The following PGPEP1L variants were observed in gnomAD, a reference collection of about 807,000 sequenced individuals.
PGPEP1L encodes the protein pyroglutamyl-peptidase I like, also known as pyroglutamyl-peptidase 1-like protein.
PGPEP1L carries 7 observed loss-of-function variants against 6.0 expected under a neutral mutation model. That is an observed-to-expected ratio of 1.17 (90% CI 0.66 to 2.19). The LOEUF (loss-of-function observed/expected upper bound fraction) is 2.19, where lower values mean the gene tolerates loss of function less well. PGPEP1L is among the 30% of genes most tolerant of loss of function. PGPEP1L has a pLI of 0.00. For missense variants in PGPEP1L, 209 were observed against 192.5 expected (o/e 1.09, Z -0.51); for synonymous variants, 103 against 83.9 (o/e 1.23, Z -1.24).
chr15:98,998,396 A>C (rs1157946137), intron 2 of PGPEP1L, among the ~76,000 whole-genome samples: 1 of 152,240 alleles, frequency 6.6e-6, no homozygotes, highest in African/African-American at 2.4e-5. Context: ...GAGCAAAGAA[A>C]GAACATGGAG....
In PGPEP1L at chr15:98,971,118, T is replaced by C; in HGVS notation, c.-101A>G. 1 of 1,584,516 alleles carries C rather than the reference T, an allele frequency of 6.3e-7. No homozygotes were observed. The highest frequency in any genetic ancestry group is 1.1e-5 in the South Asian group (1 of 90,696). ...TACAGGCAGCTCCAGAGTCCGCAGC[T>C]GCACCACTGTTTCATTCCCCAGGCC... On this transcript the variant is annotated 5_prime_UTR_variant, in exon 3 of 5. Transcript: ENST00000535714.
intron 2 of PGPEP1L, among the ~76,000 whole-genome samples, chr15:98,973,214 C>T (rs2017524262): frequency 6.6e-6 from 1 of 152,070 alleles, no homozygotes; most frequent in African/African-American, 2.4e-5. Context: ...ATATATAAAA[C>T]AAATATTAAT....
chr15:99,001,985 G>C (rs782176099), intron 2 of PGPEP1L, among the ~76,000 whole-genome samples: 1 of 152,092 alleles, frequency 6.6e-6, no homozygotes, highest in African/African-American at 2.4e-5. Context: ...TCAAAGTGCT[G>C]GGATTATAGG....
intron 2 of PGPEP1L, among the ~76,000 whole-genome samples, chr15:98,987,883 T>A (rs1051876365): frequency 3.9e-5 from 6 of 151,964 alleles, no homozygotes; most frequent in Admixed American, 2.0e-4. Flanking sequence ...GCACAAGGGG[T>A]CAAGGGATTC....
intron 2 of PGPEP1L, among the ~76,000 whole-genome samples, chr15:99,001,904 G>A (rs3969623): frequency 0.067 from 10,271 of 152,190 alleles, 475 homozygotes; most frequent in South Asian, 0.11. Context: ...TTTTAGTAGA[G>A]ATGGGGTTTC....
At chr15:98,983,000 C>T (rs954796412) in intron 2 of PGPEP1L, among the ~76,000 whole-genome samples, 2 of 151,916 alleles carry the variant, frequency 1.3e-5, no homozygotes, top group Non-Finnish European at 2.9e-5. Context: ...CGTGAGCCAC[C>T]GCACCCAGCC....
At chr15:98,978,961 C>T (rs2017614385) in intron 2 of PGPEP1L, among the ~76,000 whole-genome samples, 1 of 151,730 alleles carries the variant, frequency 6.6e-6, no homozygotes, top group Non-Finnish European at 1.5e-5. Context: ...ATCTCTTGAC[C>T]TCGTGATCCG....
At chr15:99,006,464 G>A (rs1227062886) in intron 1 of PGPEP1L, among the ~76,000 whole-genome samples, 2 of 152,214 alleles carry the variant, frequency 1.3e-5, no homozygotes, top group African/African-American at 4.8e-5. Context: ...GCTAACATTT[G>A]AGGCTATTTC....
intron 2 of PGPEP1L, among the ~76,000 whole-genome samples, chr15:98,985,643 G>A (rs2017737068): frequency 6.6e-6 from 1 of 152,190 alleles, no homozygotes; most frequent in Non-Finnish European, 1.5e-5. Flanking sequence ...AGCGCAAGTG[G>A]GCTGAACCTG....
rs368162815 is a variant in PGPEP1L, at chr15:98,987,517, G to A, written c.-141-16359C>T. On this transcript the variant is annotated intron_variant, in intron 2 of 4. Transcript: ENST00000535714. ...GGTTGTGGTGGGTGCAGTATCCAGC[G>A]GCATGGGGACAACTACAGTGCCTAG... Among the ~76,000 whole-genome samples the A allele has an allele frequency of 7.9e-4, 121 of 152,234 alleles. 2 individuals carry two copies. Among genetic ancestry groups the A allele is most frequent in the African/African-American group, 2.1e-3 (88 of 41,536 alleles).
In PGPEP1L at chr15:98,980,343, G is replaced by A. The variant is rs138430361; in HGVS notation, c.-141-9185C>T. Among the ~76,000 whole-genome samples, 20 of 152,302 alleles carry A rather than the reference G, an allele frequency of 1.3e-4. 1 individual carries two copies. The East Asian group carries it at 3.5e-3, about 26-fold the overall frequency. ...GTCCTAGGATAGTAAAGGGAGGAGG[G>A]GGGAGGAAAAGGTTTCAGGAGGAGA... On this transcript the variant is annotated intron_variant, in intron 2 of 4. Transcript: ENST00000535714.
intron 2 of PGPEP1L, among the ~76,000 whole-genome samples, chr15:98,991,899 A>G (rs1461153504): frequency 3.3e-5 from 5 of 152,230 alleles, no homozygotes; most frequent in African/African-American, 1.2e-4. Flanking sequence ...ACAAAATTCA[A>G]CACCCTTCAT....
chr15:98,977,037 C>T (rs1378052730), intron 2 of PGPEP1L, among the ~76,000 whole-genome samples: 1 of 145,236 alleles, frequency 6.9e-6, no homozygotes, highest in African/African-American at 2.5e-5. Context: ...TCTGTAGTGA[C>T]TTTGATAAGA....
At chr15:98,989,667 G>A (rs2017793267) in intron 2 of PGPEP1L, among the ~76,000 whole-genome samples, 1 of 152,126 alleles carries the variant, frequency 6.6e-6, no homozygotes, top group Non-Finnish European at 1.5e-5. Flanking sequence ...GCAACCCCAA[G>A]ACACATAATT....
intron 2 of PGPEP1L, among the ~76,000 whole-genome samples, chr15:99,004,030 C>T (rs1555473339): frequency 2.7e-5 from 4 of 148,090 alleles, no homozygotes; most frequent in East Asian, 1.9e-4. Flanking sequence ...ACACAACTTT[C>T]AATTTCCCAT....
At chr15:99,005,240 G>A (rs1239458519) in intron 2 of PGPEP1L, among the ~76,000 whole-genome samples, 189 bp downstream of exon 2, 4 of 152,192 alleles carry the variant, frequency 2.6e-5, no homozygotes, top group African/African-American at 4.8e-5. Context: ...AGAAATGCCT[G>A]TGATCCTGAT....
In PGPEP1L at chr15:99,007,709, A is replaced by AACAGTAAG. The variant is rs1426364242; in HGVS notation, c.-728_-721dup. 6.6e-6 allele frequency: 1 copy of AACAGTAAG among 152,226 alleles called. No individual in the cohort carries two copies. The highest frequency in any genetic ancestry group is 1.5e-5 in the Non-Finnish European group (1 of 68,052). 9.4% of individuals were successfully genotyped at this position (152,226 alleles called of 1,614,324 possible). A position where few individuals can be genotyped will look rare whatever the true frequency, so the allele number is the denominator to read the frequency against. ...AGCTCATAAAGGCAGTGCGGACCCA[A>AACAGTAAG]ACAGTAAGCAGCAGCAACGGTTATT... On this transcript the variant is annotated 5_prime_UTR_variant, in exon 1 of 5. Transcript: ENST00000535714.
chr15:98,973,514 C>T (rs979342993), intron 2 of PGPEP1L, among the ~76,000 whole-genome samples: 1 of 152,184 alleles, frequency 6.6e-6, no homozygotes, highest in Admixed American at 6.5e-5. Context: ...AGTATCTTTT[C>T]TGACCACAAT....
At position 98,981,674 on chromosome 15, in the gene PGPEP1L, A is replaced by T. The variant is rs1046123030; in HGVS notation, c.-141-10516T>A. Among the ~76,000 whole-genome samples the T allele has an allele frequency of 7.9e-5, 12 of 152,148 alleles. No homozygotes were observed. The East Asian group carries it at 2.1e-3, about 27-fold the overall frequency. On this transcript the variant is annotated intron_variant, in intron 2 of 4. Coordinates refer to ENST00000535714, the MANE Select transcript of PGPEP1L (RefSeq NM_001167902.2). ...CTGAGGGAACCCAAATAGACTATGG[A>T]CTTTATGTAAAGGTAATATATTCCT...
Sources: allele counts gnomAD v4.1 joint callset (sites outside exome capture counted in the v4.1 genomes callset), GRCh38; gene constraint gnomAD v4.1.1; transcripts MANE v1.5; gene names NCBI Gene and HGNC (gene_info 2026-07-23, HGNC 2026-07-21).